Variants in ARHGEF3 observed in about 807,000 individuals in gnomAD.
ARHGEF3 encodes the protein Rho guanine nucleotide exchange factor 3.
In ARHGEF3, 28 loss-of-function variants were observed where a neutral mutation model predicts 63.2. The observed-to-expected ratio is 0.44, with a 90% CI of 0.33 to 0.61. The LOEUF (loss-of-function observed/expected upper bound fraction) is 0.61, where lower values mean the gene tolerates loss of function less well. Ranked by LOEUF, ARHGEF3 falls within the 20% of genes least tolerant of loss-of-function variation. ARHGEF3 has a pLI of 0.03. For missense variants in ARHGEF3, 533 were observed against 659.3 expected (o/e 0.81, Z 2.10); for synonymous variants, 266 against 254.2 (o/e 1.05, Z -0.44).
intron 4 of ARHGEF3, among the ~76,000 whole-genome samples, chr3:56,869,244 G>A (rs2040355159): frequency 6.6e-6 from 1 of 152,158 alleles, no homozygotes; most frequent in Non-Finnish European, 1.5e-5. Flanking sequence ...TTCCCTGCAG[G>A]ATTGCTAAGG....
At chr3:56,803,889 T>C (rs1373259285), upstream of ARHGEF3, among the ~76,000 whole-genome samples, 2 of 27,770 alleles carry the variant, frequency 7.2e-5, no homozygotes, top group Middle Eastern at 0.011. Flanking sequence ...ATTTTCTTTC[T>C]TTTTTTTTTT....
At chr3:56,939,471 C>T (rs17289007) in intron 3 of ARHGEF3, among the ~76,000 whole-genome samples, 17,974 of 152,092 alleles carry the variant, frequency 0.12, 1,301 homozygotes, top group East Asian at 0.25. Flanking sequence ...CGACTAACCA[C>T]AAAACAATAC....
intron 6 of ARHGEF3, among the ~76,000 whole-genome samples, chr3:56,748,071 T>C (rs2034500480): frequency 6.6e-6 from 1 of 152,234 alleles, no homozygotes; most frequent in African/African-American, 2.4e-5. Context: ...GGTCTCCCTT[T>C]GTTGCTCAGG....
chr3:56,814,898 G>A (rs2038210269), intron 4 of ARHGEF3, among the ~76,000 whole-genome samples: 1 of 152,154 alleles, frequency 6.6e-6, no homozygotes, highest in South Asian at 2.1e-4. Flanking sequence ...GGAGGCCAAG[G>A]TGGGAGGATC....
chr3:56,951,966 G>C (rs757396973), intron 3 of ARHGEF3, among the ~76,000 whole-genome samples: 1 of 151,922 alleles, frequency 6.6e-6, no homozygotes, highest in Non-Finnish European at 1.5e-5. Flanking sequence ...ACCTCTGTGT[G>C]GTAGGCAAAA....
intron 1 of ARHGEF3, among the ~76,000 whole-genome samples, chr3:56,784,425 C>A (rs1375281492): frequency 6.6e-6 from 1 of 152,166 alleles, no homozygotes; most frequent in Admixed American, 6.5e-5. Context: ...TAGAAAAGGT[C>A]TCCTGGTCAC....
At chr3:56,960,354 G>A (rs1700226309) in intron 2 of ARHGEF3, among the ~76,000 whole-genome samples, 1 of 152,182 alleles carries the variant, frequency 6.6e-6, no homozygotes, top group South Asian at 2.1e-4. Context: ...TTGGGATTCT[G>A]TTCTTAGTTG....
chr3:56,735,144 CGTGGT>C (rs1377156751), intron 8 of ARHGEF3, among the ~76,000 whole-genome samples: 1 of 152,080 alleles, frequency 6.6e-6, no homozygotes, highest in African/African-American at 2.4e-5. Context: ...ATTAGCCAAG[CGTGGT>C]GTTGGGTGCC....
intron 3 of ARHGEF3, among the ~76,000 whole-genome samples, chr3:56,950,570 G>C (rs1038751275): frequency 3.3e-5 from 5 of 151,946 alleles, no homozygotes; most frequent in South Asian, 2.1e-4. Context: ...CAAATCAAAA[G>C]CACAATGAGA....
At chr3:56,888,414 G>C (rs985571480) in intron 3 of ARHGEF3, among the ~76,000 whole-genome samples, 4 of 152,108 alleles carry the variant, frequency 2.6e-5, no homozygotes, top group Admixed American at 6.5e-5. Flanking sequence ...GAACTTAATG[G>C]GCACCTGACC....
chr3:56,839,994 T>C (rs1025605617), intron 4 of ARHGEF3, among the ~76,000 whole-genome samples: 1 of 152,140 alleles, frequency 6.6e-6, no homozygotes, highest in Admixed American at 6.5e-5. Flanking sequence ...TCCCAGGCAT[T>C]ATCTCATCTT....
chr3:56,927,712 T>G (rs1419247819), intron 3 of ARHGEF3, among the ~76,000 whole-genome samples: 1 of 152,032 alleles, frequency 6.6e-6, no homozygotes, highest in Non-Finnish European at 1.5e-5. Context: ...TAGGCCAGAG[T>G]CCAGGTGGTA....
At chr3:57,005,665 G>A (rs1702439657) in intron 2 of ARHGEF3, among the ~76,000 whole-genome samples, 1 of 152,180 alleles carries the variant, frequency 6.6e-6, no homozygotes, top group Middle Eastern at 3.2e-3. Context: ...TCCATGTCTG[G>A]CGCTGAGGGT....
chr3:57,035,743 C>T (rs780282694), intron 1 of ARHGEF3, among the ~76,000 whole-genome samples: 3 of 152,206 alleles, frequency 2.0e-5, no homozygotes, highest in East Asian at 3.9e-4. Flanking sequence ...TGCCACTTCT[C>T]GGTCTAGGTC....
In ARHGEF3 at chr3:56,779,540, T is replaced by C. The variant is rs867258160; in HGVS notation, c.97-5724A>G. ...CGGAGTCTCGCTCTGTCGCGCAGGCTGGAGTGCAGTGGCGCCATCTTGGCT... is the reference window on the plus strand; with the variant it reads ...CGGAGTCTCGCTCTGTCGCGCAGGCCGGAGTGCAGTGGCGCCATCTTGGCT... On this transcript the variant is annotated intron_variant, in intron 1 of 9. Transcript: ENST00000296315. Among the ~76,000 whole-genome samples the C allele has an allele frequency of 7.9e-5, 12 of 152,316 alleles. 1 individual carries two copies. The South Asian group carries it at 2.3e-3, about 29-fold the overall frequency.
chr3:56,793,611 T>A (rs76183745), intron 1 of ARHGEF3, among the ~76,000 whole-genome samples: 5,230 of 152,292 alleles, frequency 0.034, 234 homozygotes, highest in South Asian at 0.2. Context: ...CTTGGTTTTA[T>A]TATGTCTTAA....
At chr3:56,882,221 T>C (rs2040789707) in intron 4 of ARHGEF3, 9 of 1,443,962 alleles carry the variant, frequency 6.2e-6, no homozygotes, top group Non-Finnish European at 8.6e-6. Context: ...ACACAGCATA[T>C]TATTAACAAA....
At chr3:56,958,222 C>G (rs1037946249) in intron 3 of ARHGEF3, among the ~76,000 whole-genome samples, 4 of 152,094 alleles carry the variant, frequency 2.6e-5, no homozygotes, top group African/African-American at 9.7e-5. Flanking sequence ...CCTGCCTCAG[C>G]AACCTTGACA....
chr3:57,042,687 TATATATA>T (rs1560156261), intron 1 of ARHGEF3, among the ~76,000 whole-genome samples: 8 of 24,802 alleles, frequency 3.2e-4, no homozygotes, highest in African/African-American at 7.1e-4. Context: ...TATATATATA[TATATATA>T]TATATATTTT....
Sources: allele counts gnomAD v4.1 joint callset (sites outside exome capture counted in the v4.1 genomes callset), GRCh38; gene constraint gnomAD v4.1.1; transcripts MANE v1.5; gene names NCBI Gene and HGNC (gene_info 2026-07-23, HGNC 2026-07-21).